The following FHIP1A variants were observed in gnomAD, a reference collection of about 807,000 sequenced individuals.
FHIP1A encodes FHF complex subunit HOOK interacting protein 1A.
FHIP1A carries 61 observed loss-of-function variants against 88.6 expected under a neutral mutation model. The observed-to-expected ratio is 0.69, with a 90% CI of 0.56 to 0.85. The LOEUF (loss-of-function observed/expected upper bound fraction) is 0.85. Among genes scored for constraint, FHIP1A ranks in the 40% least tolerant of loss-of-function variants. FHIP1A has a pLI of 0.00. For synonymous variants in FHIP1A, 478 were observed against 496.0 expected (o/e 0.96, Z 0.48); for missense variants, 1,154 against 1,273.5 (o/e 0.91, Z 1.43).
Position 151,578,032 on chromosome 4 carries a change from A to G in FHIP1A, c.688A>G (p.Thr230Ala), listed in dbSNP as rs1053311877. The G allele has an allele frequency of 1.3e-6, 2 of 1,550,690 alleles. No individual in the cohort carries two copies. The highest frequency in any genetic ancestry group is 2.7e-5 in the African/African-American group (2 of 72,930). Residue 230 changes from threonine (T) to alanine (A), a missense_variant, in exon 5 of 14, where the codon ACC becomes GCC. Thr to Ala is a moderately conservative substitution (Grantham distance 58, BLOSUM62 0). Transcript: ENST00000435205. ...CATCATGTCTCTTTCTGCTGAGAACACCATGGTGGCCCATCACATCGTGGA... is the reference window on the plus strand; with the variant it reads ...CATCATGTCTCTTTCTGCTGAGAACGCCATGGTGGCCCATCACATCGTGGA... Reference protein sequence around the residue: ...LFIMSLSAENTMVAHHIVENT... With the variant: ...LFIMSLSAENAMVAHHIVENT...
At chr4:151,541,435 T>G (rs1212322960) in intron 3 of FHIP1A, among the ~76,000 whole-genome samples, 1 of 152,220 alleles carries the variant, frequency 6.6e-6, no homozygotes, top group African/African-American at 2.4e-5. Context: ...CTCTTTTCCA[T>G]CACGAGAGCT....
intron 3 of FHIP1A, among the ~76,000 whole-genome samples, chr4:151,494,494 T>G (rs2126652135): frequency 6.6e-6 from 1 of 152,294 alleles, no homozygotes; most frequent in Non-Finnish European, 1.5e-5. Flanking sequence ...ATGTATAGCT[T>G]TATTTCTAGG....
chr4:151,593,405 T>C (rs1295177043), intron 7 of FHIP1A, among the ~76,000 whole-genome samples: 1 of 152,214 alleles, frequency 6.6e-6, no homozygotes, highest in Non-Finnish European at 1.5e-5. Context: ...GCATAGAATG[T>C]TTTTCCATTT....
At position 151,577,964 on chromosome 4, in the gene FHIP1A, G is replaced by C. The variant is rs905792693; in HGVS notation, c.620G>C (p.Arg207Pro). The C allele has an allele frequency of 6.4e-7, 1 of 1,551,302 alleles. No homozygotes were observed. The highest frequency in any genetic ancestry group is 8.7e-7 in the Non-Finnish European group (1 of 1,146,952). The change falls in exon 5 of 14, where the codon CGA (arginine) becomes CCA (proline). Residue 207 changes from arginine to proline, a missense_variant. Coordinates refer to ENST00000435205, the MANE Select transcript of FHIP1A (RefSeq NM_001109977.3). ...TCCCTTCTGATTCCCTTCATTCACC[G>C]AGAGGGGTCAGTAGGCCAGCAAGCT... is the stretch of plus-strand genomic sequence containing the variant. ...IFSLLIPFIH[R>P]EGSVGQQARD...
chr4:151,480,554 G>A (rs1001395373), intron 2 of FHIP1A, among the ~76,000 whole-genome samples: 6 of 151,908 alleles, frequency 3.9e-5, no homozygotes, highest in Admixed American at 1.3e-4. Context: ...TGTGGGATAC[G>A]GAAGAAGGAG....
chr4:151,646,786 T>A (rs1474442143), intron 10 of FHIP1A, 38 bp downstream of exon 10: 16 of 1,416,344 alleles, frequency 1.1e-5, no homozygotes, highest in Non-Finnish European at 1.4e-5. Context: ...AACAAAAGGA[T>A]GCCAGTTCCA....
At chr4:151,505,728 C>A (rs1005239435) in intron 3 of FHIP1A, among the ~76,000 whole-genome samples, 2 of 152,056 alleles carry the variant, frequency 1.3e-5, no homozygotes, top group Non-Finnish European at 2.9e-5. Context: ...TGTAGTCCCA[C>A]CTACTCAGGA....
intron 1 of FHIP1A, among the ~76,000 whole-genome samples, chr4:151,450,473 A>C (rs1728751503): frequency 6.6e-6 from 1 of 152,158 alleles, no homozygotes; most frequent in Admixed American, 6.5e-5. Flanking sequence ...CTTCTAATGT[A>C]AATTTGGATT....
intron 9 of FHIP1A, among the ~76,000 whole-genome samples, chr4:151,642,908 TA>T (rs1421167197): frequency 2.0e-5 from 3 of 149,834 alleles, no homozygotes; most frequent in Non-Finnish European, 3.0e-5. Flanking sequence ...GTATAATATA[TA>T]TGATACATAT....
chr4:151,425,051 A>G (rs1733310041), intron 1 of FHIP1A, among the ~76,000 whole-genome samples: 1 of 152,232 alleles, frequency 6.6e-6, no homozygotes, highest in Non-Finnish European at 1.5e-5. Flanking sequence ...CCCTGAACCT[A>G]CTGGTCAATC....
chr4:151,547,350 G>A (rs887007716), intron 3 of FHIP1A, among the ~76,000 whole-genome samples: 1 of 152,122 alleles, frequency 6.6e-6, no homozygotes, highest in African/African-American at 2.4e-5. Context: ...CTCACAGAAA[G>A]GTAAGGCTTA....
chr4:151,428,807 G>C (rs2724563), intron 1 of FHIP1A, among the ~76,000 whole-genome samples: 78,570 of 151,462 alleles, frequency 0.52, 20,622 homozygotes, highest in African/African-American at 0.55. Flanking sequence ...TGCACACACT[G>C]TTGACCATAC....
chr4:151,451,888 A>G (rs1728804217), intron 1 of FHIP1A, among the ~76,000 whole-genome samples: 1 of 149,246 alleles, frequency 6.7e-6, no homozygotes, highest in South Asian at 2.1e-4. Flanking sequence ...TGGCACTCTC[A>G]CGGCTCATTA....
At chr4:151,415,403 C>T (rs1035990080) in intron 1 of FHIP1A, among the ~76,000 whole-genome samples, 12 of 152,242 alleles carry the variant, frequency 7.9e-5, no homozygotes, top group African/African-American at 2.4e-4. Context: ...GTCTCAAACT[C>T]CTGACCTCAG....
intron 3 of FHIP1A, among the ~76,000 whole-genome samples, chr4:151,502,937 T>A (rs1036207876): frequency 6.6e-6 from 1 of 152,222 alleles, no homozygotes; most frequent in Non-Finnish European, 1.5e-5. Flanking sequence ...TACTGAAACA[T>A]CTGGTTTACT....
At chr4:151,411,229 T>C (rs1377543746) in intron 1 of FHIP1A, among the ~76,000 whole-genome samples, 2 of 151,968 alleles carry the variant, frequency 1.3e-5, no homozygotes, top group South Asian at 4.1e-4. Context: ...CTTTCTTTAA[T>C]AGGAACTTGA....
At chr4:151,565,618 G>A (rs200633340) in intron 3 of FHIP1A, among the ~76,000 whole-genome samples, 95 of 152,064 alleles carry the variant, frequency 6.2e-4, no homozygotes, top group Non-Finnish European at 1.9e-4. Context: ...TCTGGGTGCT[G>A]TTTTATAACA....
intron 3 of FHIP1A, among the ~76,000 whole-genome samples, chr4:151,553,806 T>G (rs1039599921): frequency 6.6e-6 from 1 of 152,218 alleles, no homozygotes; most frequent in Non-Finnish European, 1.5e-5. Flanking sequence ...GACACTGTTC[T>G]GTTGACCTTA....
chr4:151,431,248 C>T lies in FHIP1A; in HGVS notation c.-356+21783C>T, dbSNP rs188486851. The stretch of plus-strand genomic sequence containing the variant: ...CAGTCAATCCTGACTGTGGTTGAGT[C>T]GCAAGCTCTAACCTGAATCAGTGAG... On this transcript the variant is annotated intron_variant, in intron 1 of 13. Coordinates refer to ENST00000435205, the MANE Select transcript of FHIP1A (RefSeq NM_001109977.3). Among the ~76,000 whole-genome samples the T allele has an allele frequency of 6.6e-4, 100 of 152,198 alleles. 1 individual carries two copies. Among genetic ancestry groups the T allele is most frequent in the Non-Finnish European group, 2.8e-4 (19 of 68,016 alleles).
Sources: allele counts gnomAD v4.1 joint callset (sites outside exome capture counted in the v4.1 genomes callset), GRCh38; gene constraint gnomAD v4.1.1; transcripts MANE v1.5; gene names NCBI Gene and HGNC (gene_info 2026-07-23, HGNC 2026-07-21).